The following SLC10A7 variants were observed in gnomAD, a reference collection of about 807,000 sequenced individuals.
SLC10A7 encodes sodium/bile acid cotransporter 7.
A neutral mutation model predicts 43.2 loss-of-function variants in SLC10A7; 29 were observed. The ratio of observed to expected loss-of-function variants is 0.67; its 90% CI spans 0.50 to 0.92. The LOEUF (loss-of-function observed/expected upper bound fraction) is 0.92, where lower values mean the gene tolerates loss of function less well. Among genes scored for constraint, SLC10A7 ranks in the 40% least tolerant of loss-of-function variants. The probability of loss-of-function intolerance (pLI) is 0.00; values close to 1 mark genes in which losing one functional copy is unlikely to be tolerated. For synonymous variants in SLC10A7, 152 were observed against 144.8 expected, an observed-to-expected ratio of 1.05 and a Z score of -0.35; for missense variants, 295 against 403.2, an observed-to-expected ratio of 0.73 and a Z score of 2.30.
intron 3 of SLC10A7, among the ~76,000 whole-genome samples, chr4:146,504,315 C>T (rs191220601): frequency 8.6e-5 from 13 of 151,966 alleles, no homozygotes; most frequent in Admixed American, 3.9e-4. Flanking sequence ...GTCAGGAGAT[C>T]GAGACCATCC....
intron 4 of SLC10A7, among the ~76,000 whole-genome samples, chr4:146,464,317 A>C (rs1478381828): frequency 1.3e-5 from 2 of 152,232 alleles, no homozygotes; most frequent in East Asian, 3.8e-4. Flanking sequence ...CATTTCATTA[A>C]ACATATGTGC....
intron 5 of SLC10A7, among the ~76,000 whole-genome samples, chr4:146,401,761 T>A (rs1739242001): frequency 6.6e-6 from 1 of 152,192 alleles, no homozygotes; most frequent in African/African-American, 2.4e-5. Context: ...GCTTGAAATA[T>A]ATTAAATCGA....
rs530880019 is a variant in SLC10A7, at chr4:146,360,222, T to C, written c.436-34226A>G. Among the ~76,000 whole-genome samples the C allele has an allele frequency of 2.0e-4, 23 of 112,352 alleles. No individual in the cohort carries two copies. The East Asian group carries it at 4.6e-3, about 22-fold the overall frequency. 73.7% of individuals were successfully genotyped at this position (112,352 alleles called of 152,430 possible). ...CCTTACTCTAAGCCACTGTTGTTTT[T>C]CCTCTGAATCAGTGTACCAACTTCC... On this transcript the variant is annotated intron_variant, in intron 5 of 11. Transcript: ENST00000335472.
At chr4:146,492,102 CCCA>C (rs1238841100) in intron 4 of SLC10A7, among the ~76,000 whole-genome samples, 1 of 151,984 alleles carries the variant, frequency 6.6e-6, no homozygotes, top group Non-Finnish European at 1.5e-5. Context: ...CGCCTGTAGT[CCCA>C]GCTACTTGGG....
At chr4:146,350,953 G>A (rs1437245499) in intron 5 of SLC10A7, among the ~76,000 whole-genome samples, 2 of 148,242 alleles carry the variant, frequency 1.3e-5, no homozygotes, top group Non-Finnish European at 3.0e-5. Flanking sequence ...AGAAAAACTG[G>A]AAACTCTAAA....
chr4:146,260,910 C>T (rs745875288), intron 10 of SLC10A7, among the ~76,000 whole-genome samples: 3 of 152,154 alleles, frequency 2.0e-5, no homozygotes, highest in Non-Finnish European at 2.9e-5. Flanking sequence ...CAGGACGTCC[C>T]TGTGATTTCA....
chr4:146,382,371 A>G (rs949544510), intron 5 of SLC10A7, among the ~76,000 whole-genome samples: 16 of 152,256 alleles, frequency 1.1e-4, no homozygotes, highest in South Asian at 6.2e-4. Context: ...CAGCACTAAC[A>G]TCATGTTACA....
intron 5 of SLC10A7, among the ~76,000 whole-genome samples, chr4:146,432,297 CAT>C (rs1314367776): frequency 2.6e-5 from 4 of 152,222 alleles, no homozygotes; most frequent in Admixed American, 6.5e-5. Context: ...GAAATAAAAA[CAT>C]ATATCTATAC....
At chr4:146,425,271 T>C (rs1331025610) in intron 5 of SLC10A7, among the ~76,000 whole-genome samples, 1 of 152,226 alleles carries the variant, frequency 6.6e-6, no homozygotes, top group African/African-American at 2.4e-5. Context: ...ATGTATAAAA[T>C]GCAATATAGT....
intron 9 of SLC10A7, among the ~76,000 whole-genome samples, chr4:146,290,142 C>G (rs76737518): frequency 0.058 from 8,762 of 150,362 alleles, 351 homozygotes; most frequent in South Asian, 0.19. Context: ...GGCTAACATG[C>G]TGAAACCCCA....
intron 5 of SLC10A7, among the ~76,000 whole-genome samples, chr4:146,385,466 T>C (rs2149796127): frequency 6.6e-6 from 1 of 152,312 alleles, no homozygotes; most frequent in Non-Finnish European, 1.5e-5. Context: ...TTTTTGATTC[T>C]CCTGTGTCAT....
At chr4:146,280,647 T>C (rs1729492142) in intron 10 of SLC10A7, among the ~76,000 whole-genome samples, 1 of 152,222 alleles carries the variant, frequency 6.6e-6, no homozygotes, top group Non-Finnish European at 1.5e-5. Flanking sequence ...ATCCATGCAT[T>C]GGATCTTGTG....
intron 4 of SLC10A7, among the ~76,000 whole-genome samples, chr4:146,491,932 C>T (rs1323939881): frequency 6.6e-6 from 1 of 152,108 alleles, no homozygotes; most frequent in Non-Finnish European, 1.5e-5. Context: ...AAAGACACAG[C>T]CAGGGCCGGG....
At chr4:146,256,834 T>C in intron 11 of SLC10A7, 1 of 1,533,700 alleles carries the variant, frequency 6.5e-7, no homozygotes, top group South Asian at 1.2e-5. Flanking sequence ...ACCTGGAGGA[T>C]GGACTCTTGG....
intron 4 of SLC10A7, chr4:146,478,138 A>G (rs1241865577): frequency 1.3e-5 from 2 of 152,180 alleles, no homozygotes; most frequent in Non-Finnish European, 1.5e-5. Context: ...ATGTGCCCAT[A>G]AGTAATTCTC....
intron 3 of SLC10A7, among the ~76,000 whole-genome samples, chr4:146,506,857 A>G (rs1029377393): frequency 3.3e-5 from 5 of 151,978 alleles, no homozygotes; most frequent in African/African-American, 1.2e-4. Flanking sequence ...TTTAGCCCTA[A>G]CTACAATTCC....
rs185246701 is a variant in SLC10A7 at position 146,341,369 on chromosome 4, A to C, written c.436-15373T>G. ...TTTTATTAAGAATAGGCAAAACCAA[A>C]CCCCCCCAAAACCAAAAATGGCCAT... On this transcript the variant is annotated intron_variant, in intron 5 of 11. Transcript: ENST00000335472. 3.5e-3 allele frequency among the ~76,000 whole-genome samples: 531 copies of C among 151,484 alleles called. 6 individuals are homozygous for C. Among genetic ancestry groups the C allele is most frequent in the African/African-American group, 0.012 (487 of 41,390 alleles).
At chr4:146,333,771 G>A (rs1412156028) in intron 5 of SLC10A7, among the ~76,000 whole-genome samples, 1 of 152,018 alleles carries the variant, frequency 6.6e-6, no homozygotes, top group Non-Finnish European at 1.5e-5. Flanking sequence ...GCAGCCATGG[G>A]TGTGGGGAGG....
intron 4 of SLC10A7, among the ~76,000 whole-genome samples, chr4:146,494,351 T>G (rs1735709225): frequency 6.6e-6 from 1 of 152,196 alleles, no homozygotes; most frequent in Non-Finnish European, 1.5e-5. Context: ...GGTGATATAG[T>G]GCCACAGCAT....
Sources: gnomAD v4.1 joint callset for allele counts (sites outside exome capture counted in the v4.1 genomes callset) on GRCh38, gnomAD v4.1.1 for gene constraint, MANE v1.5 for transcripts, NCBI Gene and HGNC (gene_info 2026-07-23, HGNC 2026-07-21) for gene names.